PERP: variants seen among roughly 807,000 people sequenced by gnomAD.
PERP encodes the protein p53 apoptosis effector related to PMP22.
A neutral mutation model predicts 20.3 loss-of-function variants in PERP; 11 were observed. That is an observed-to-expected ratio of 0.54 (90% CI 0.34 to 0.90). The LOEUF (loss-of-function observed/expected upper bound fraction) is 0.90, where lower values mean the gene tolerates loss of function less well. Among genes scored for constraint, PERP ranks in the 40% least tolerant of loss-of-function variants. PERP has a pLI of 0.02. For missense variants in PERP, 224 were observed against 249.4 expected (o/e 0.90, Z 0.69); for synonymous variants, 101 against 102.0 (o/e 0.99, Z 0.06).
At position 138,103,176 on chromosome 6, in the gene PERP, G is replaced by C. The variant is rs560773945; in HGVS notation, c.214+3951C>G. ...AGTTTTGTATTTTTTTGGAGACTGA[G>C]TCTCGCTCTGTCACCCAGGCTGGAG... On this transcript the variant is annotated intron_variant, in intron 1 of 2. Transcript: ENST00000421351. Among the ~76,000 whole-genome samples, 10 of 151,902 alleles carry C rather than the reference G, an allele frequency of 6.6e-5. No homozygotes were observed. The East Asian group carries it at 2.0e-3, about 30-fold the overall frequency.
rs200715383 is a variant in PERP at position 138,092,076 on chromosome 6, T to A, written c.548A>T (p.Asn183Ile). The A allele has an allele frequency of 1.1e-5, 18 of 1,614,082 alleles. No individual in the cohort carries two copies. The highest frequency in any genetic ancestry group is 8.9e-5 in the East Asian group (4 of 44,878). Residue 183 changes from asparagine to isoleucine, a missense_variant, in exon 3 of 3, where the codon AAT becomes ATT. Asn to Ile is a moderately radical substitution (Grantham distance 149). Transcript: ENST00000421351. ...LPNYEDDLLGNAKPRYFYTSA is the reference protein window; with the variant it reads ...LPNYEDDLLGIAKPRYFYTSA The stretch of plus-strand genomic sequence containing the variant: ...TGTGTAGAAGTACCTGGGCTTGGCA[T>A]TGCCCAGAAGGTCATCTTCGTAGTT...
intron 1 of PERP, among the ~76,000 whole-genome samples, chr6:138,103,055 T>C (rs986717665): frequency 6.7e-6 from 1 of 150,336 alleles, no homozygotes; most frequent in African/African-American, 2.4e-5. Context: ...GCAGAGATTG[T>C]GCCACTGCAC....
intron 1 of PERP, among the ~76,000 whole-genome samples, chr6:138,102,768 G>C (rs528745760): frequency 1.3e-5 from 2 of 152,222 alleles, no homozygotes; most frequent in South Asian, 4.1e-4. Flanking sequence ...ATTTTTTGCT[G>C]TGTAAGAACT....
At chr6:138,096,912 A>G (rs923300255) in intron 1 of PERP, among the ~76,000 whole-genome samples, 3 of 152,268 alleles carry the variant, frequency 2.0e-5, no homozygotes, top group African/African-American at 7.2e-5. Context: ...AAATGTTTTT[A>G]AATACCTTTA....
chr6:138,103,573 C>T (rs139471288), intron 1 of PERP, among the ~76,000 whole-genome samples: 125 of 152,278 alleles, frequency 8.2e-4, no homozygotes, highest in African/African-American at 2.6e-3. Context: ...GGACCAGTTT[C>T]AAGGAAGAAA....
chr6:138,105,341 C>A (rs1269158570), intron 1 of PERP, among the ~76,000 whole-genome samples: 2 of 152,112 alleles, frequency 1.3e-5, no homozygotes, highest in Non-Finnish European at 1.5e-5. Context: ...TTAGTGTTTT[C>A]TTTACAATGA....
intron 1 of PERP, among the ~76,000 whole-genome samples, chr6:138,097,000 G>A (rs894077675): frequency 1.3e-5 from 2 of 151,488 alleles, no homozygotes; most frequent in African/African-American, 2.4e-5. Flanking sequence ...ACTAGGCAGA[G>A]GTGTTAAATA....
intron 1 of PERP, among the ~76,000 whole-genome samples, chr6:138,102,196 C>G (rs927202473): frequency 1.3e-4 from 20 of 152,342 alleles, no homozygotes; most frequent in Admixed American, 1.3e-3. Flanking sequence ...CTCCATTGCT[C>G]TCTGTTACTT....
chr6:138,106,745 TAAG>T, intron 1 of PERP, among the ~76,000 whole-genome samples: 1 of 152,118 alleles, frequency 6.6e-6, no homozygotes, highest in South Asian at 2.1e-4. Flanking sequence ...ATTTTAATCA[TAAG>T]AAGAAACGAG....
intron 1 of PERP, among the ~76,000 whole-genome samples, chr6:138,106,713 G>T (rs1229770716): frequency 6.6e-6 from 1 of 152,100 alleles, no homozygotes; most frequent in Non-Finnish European, 1.5e-5. Context: ...TATTAGGGAA[G>T]GCACGTTATT....
In PERP at chr6:138,095,432, T is replaced by C. The variant is rs559555287; in HGVS notation, c.355+922A>G. 1.4e-4 allele frequency among the ~76,000 whole-genome samples: 22 copies of C among 152,286 alleles called. No individual in the cohort carries two copies. In the South Asian group the frequency reaches 3.7e-3, roughly 26 times the overall value. On this transcript the variant is annotated intron_variant, in intron 2 of 2. Transcript: ENST00000421351. ...AACCGGCGCAAAGTGGCCTTCCTCC[T>C]GGCTCATGCATGATCATATAGACCC... is the stretch of plus-strand genomic sequence containing the variant.
chr6:138,093,541 G>A (rs1253010798), intron 2 of PERP, among the ~76,000 whole-genome samples: 1 of 152,058 alleles, frequency 6.6e-6, no homozygotes, highest in African/African-American at 2.4e-5. Context: ...ACTTTAAATA[G>A]CAATCTCTTA....
At chr6:138,100,693 TTTTG>T (rs758270270) in intron 1 of PERP, among the ~76,000 whole-genome samples, 1 of 152,104 alleles carries the variant, frequency 6.6e-6, no homozygotes, top group Non-Finnish European at 1.5e-5. Context: ...GTAGGAAAGT[TTTTG>T]TTTGTTTGTT....
chr6:138,096,613 G>T, intron 1 of PERP, 119 bp from the exon 2 acceptor site: 1 of 1,141,840 alleles, frequency 8.8e-7, no homozygotes, highest in Non-Finnish European at 1.2e-6. Flanking sequence ...TTGGATGGAG[G>T]GACAGTTTTT....
intron 2 of PERP, among the ~76,000 whole-genome samples, chr6:138,095,450 A>G (rs528400859): frequency 5.0e-4 from 76 of 152,260 alleles, no homozygotes; most frequent in Middle Eastern, 3.4e-3. Context: ...GCATGATCAT[A>G]TAGACCCCTT....
intron 1 of PERP, among the ~76,000 whole-genome samples, chr6:138,103,855 T>C (rs759750073): frequency 1.2e-4 from 19 of 152,258 alleles, no homozygotes; most frequent in Non-Finnish European, 1.2e-4. Context: ...TTTCATGTAA[T>C]ACTGATTCTT....
At position 138,091,415 on chromosome 6, in the gene PERP, T is replaced by C. The variant is rs1777418722; in HGVS notation, c.*627A>G. 6.6e-6 allele frequency: 1 copy of C among 152,272 alleles called. No homozygotes were observed. Among genetic ancestry groups the C allele is most frequent in the African/African-American group, 2.4e-5 (1 of 41,448 alleles). 9.4% of individuals were successfully genotyped at this position (152,272 alleles called of 1,614,324 possible). The stretch of plus-strand genomic sequence containing the variant: ...AAGCCTTACCAACTATGGCAACAGG[T>C]TTGGACCATGAAATAGTACTTTCCT... On this transcript the variant is annotated 3_prime_UTR_variant, in exon 3 of 3. Transcript: ENST00000421351.
intron 1 of PERP, among the ~76,000 whole-genome samples, chr6:138,101,892 G>C (rs1775779451): frequency 6.6e-6 from 1 of 152,182 alleles, no homozygotes. Context: ...ACCTCCTCCG[G>C]GAAGTAGTTA....
At chr6:138,099,807 C>G (rs1327714753) in intron 1 of PERP, among the ~76,000 whole-genome samples, 10 of 152,166 alleles carry the variant, frequency 6.6e-5, no homozygotes, top group Admixed American at 5.9e-4. Flanking sequence ...ATTCACCTAA[C>G]CTAAAGCCAA....
Sources: gnomAD v4.1 joint callset for allele counts (sites outside exome capture counted in the v4.1 genomes callset) on GRCh38, gnomAD v4.1.1 for gene constraint, MANE v1.5 for transcripts, NCBI Gene and HGNC (gene_info 2026-07-23, HGNC 2026-07-21) for gene names.